The following CDH13 variants were observed in gnomAD, a reference collection of about 807,000 sequenced individuals.
The protein encoded by CDH13 is cadherin 13, also known as cadherin-13.
In CDH13, 24 loss-of-function variants were observed where a neutral mutation model predicts 63.8. The ratio of observed to expected loss-of-function variants is 0.38; its 90% CI spans 0.27 to 0.53. The LOEUF (loss-of-function observed/expected upper bound fraction) is 0.53. Ranked by LOEUF, CDH13 falls within the 20% of genes least tolerant of loss-of-function variation. CDH13 has a pLI of 0.85. For synonymous variants in CDH13, 503 were observed against 355.3 expected (o/e 1.42, Z -4.67); for missense variants, 1,049 against 903.1 (o/e 1.16, Z -2.07).
chr16:83,551,312 C>T (rs2075490187), intron 7 of CDH13, among the ~76,000 whole-genome samples: 1 of 152,196 alleles, frequency 6.6e-6, no homozygotes, highest in Non-Finnish European at 1.5e-5. Context: ...AGTGATCCAC[C>T]TGCCTCGGCC....
rs1274193446 is a variant in CDH13 at position 82,877,904 on chromosome 16, G to C, written c.157+19431G>C. On this transcript the variant is annotated intron_variant, in intron 2 of 13. Transcript: ENST00000567109. ...TGATTCTTGAGGAGAGAGGAAGGTG[G>C]AAATACATACATACACATAGACACA... Among the ~76,000 whole-genome samples the C allele has an allele frequency of 3.0e-5, 4 of 133,648 alleles. No homozygotes were observed. In the East Asian group the frequency reaches 8.4e-4, roughly 28 times the overall value. 87.7% of individuals were successfully genotyped at this position (133,648 alleles called of 152,430 possible). A position where few individuals can be genotyped will look rare whatever the true frequency, so the allele number is the denominator to read the frequency against.
intron 3 of CDH13, among the ~76,000 whole-genome samples, chr16:83,044,254 G>T (rs1049453634): frequency 6.6e-6 from 1 of 152,182 alleles, no homozygotes; most frequent in African/African-American, 2.4e-5. Flanking sequence ...AAGTTGAGCT[G>T]GGCCTTCTGA....
intron 1 of CDH13, among the ~76,000 whole-genome samples, chr16:82,686,030 G>C (rs932675490): frequency 6.6e-6 from 1 of 152,108 alleles, no homozygotes; most frequent in Non-Finnish European, 1.5e-5. Context: ...TATCCCTAGT[G>C]AATTACAATT....
At chr16:82,628,628 C>T (rs766906193) in intron 1 of CDH13, among the ~76,000 whole-genome samples, 3 of 152,180 alleles carry the variant, frequency 2.0e-5, no homozygotes, top group Non-Finnish European at 4.4e-5. Flanking sequence ...AGTTATAGCT[C>T]CTTTTCTACC....
chr16:83,364,926 A>C (rs574599339), intron 6 of CDH13, among the ~76,000 whole-genome samples: 84 of 152,234 alleles, frequency 5.5e-4, no homozygotes, highest in African/African-American at 1.8e-3. Context: ...GTAAGCGGCA[A>C]AAGGAGGGAG....
chr16:82,710,079 C>A (rs2031793341), intron 1 of CDH13, among the ~76,000 whole-genome samples: 2 of 149,728 alleles, frequency 1.3e-5, no homozygotes, highest in South Asian at 4.2e-4. Context: ...CACACATACA[C>A]ACAATACTTA....
intron 4 of CDH13, among the ~76,000 whole-genome samples, chr16:83,214,460 G>A (rs1359430971): frequency 1.3e-5 from 2 of 150,350 alleles, no homozygotes; most frequent in Non-Finnish European, 3.0e-5. Flanking sequence ...TGTGCCTGTA[G>A]TTCCACCTAC....
intron 4 of CDH13, among the ~76,000 whole-genome samples, chr16:83,198,318 C>T (rs907310554): frequency 4.2e-5 from 6 of 142,890 alleles, no homozygotes; most frequent in African/African-American, 1.7e-4. Context: ...AAATCACACA[C>T]ATGTACACAC....
intron 1 of CDH13, among the ~76,000 whole-genome samples, chr16:82,832,266 A>C (rs1424490342): frequency 6.6e-6 from 1 of 152,188 alleles, no homozygotes; most frequent in Non-Finnish European, 1.5e-5. Flanking sequence ...TAAATGGCAG[A>C]ATATTAACCA....
intron 1 of CDH13, among the ~76,000 whole-genome samples, chr16:82,671,264 GTTT>G (rs1303316286): frequency 1.3e-5 from 2 of 152,178 alleles, no homozygotes; most frequent in African/African-American, 4.8e-5. Context: ...ACCCAGAAGG[GTTT>G]TTTATTTTTT....
intron 8 of CDH13, among the ~76,000 whole-genome samples, chr16:83,628,561 C>T (rs1305922286): frequency 1.3e-5 from 2 of 152,206 alleles, no homozygotes; most frequent in Admixed American, 1.3e-4. Context: ...AAAAGCTGAC[C>T]TGAGACAATA....
At chr16:83,703,818 C>T (rs950408855) in intron 10 of CDH13, among the ~76,000 whole-genome samples, 1 of 152,184 alleles carries the variant, frequency 6.6e-6, no homozygotes, top group Non-Finnish European at 1.5e-5. Context: ...GACTCAAATG[C>T]TTGCCTAGAC....
At position 83,751,273 on chromosome 16, in the gene CDH13, C is replaced by T. The variant is rs72799184; in HGVS notation, c.1681+3023C>T. ...ATGGACTTTGGCCTTGAAAATGTCA[C>T]TCACTTGCCTCCAGAATAAACATTG... On this transcript the variant is annotated intron_variant, in intron 11 of 13. Transcript: ENST00000567109. 3.2e-4 allele frequency among the ~76,000 whole-genome samples: 49 copies of T among 152,286 alleles called. 1 individual carries two copies. Among genetic ancestry groups the T allele is most frequent in the Non-Finnish European group, 6.5e-4 (44 of 68,024 alleles).
At chr16:82,867,756 A>G (rs2040200739) in intron 2 of CDH13, among the ~76,000 whole-genome samples, 1 of 152,246 alleles carries the variant, frequency 6.6e-6, no homozygotes, top group Non-Finnish European at 1.5e-5. Context: ...ATACACTGTC[A>G]GTGAATTTAA....
intron 5 of CDH13, among the ~76,000 whole-genome samples, chr16:83,219,023 T>A (rs1252698377): frequency 6.6e-6 from 1 of 152,198 alleles, no homozygotes; most frequent in Non-Finnish European, 1.5e-5. Context: ...ATTAAATCTC[T>A]GTCCTTTGTA....
At chr16:83,764,522 C>T (rs1914229130) in intron 11 of CDH13, among the ~76,000 whole-genome samples, 1 of 152,124 alleles carries the variant, frequency 6.6e-6, no homozygotes, top group South Asian at 2.1e-4. Context: ...TTAGCTGGTC[C>T]CCCACTGGAG....
rs1190894531 is a variant in CDH13 at position 82,738,002 on chromosome 16, A to G, written c.45+110865A>G. Among the ~76,000 whole-genome samples the G allele has an allele frequency of 2.6e-5, 4 of 152,166 alleles. No individual in the cohort carries two copies. In the East Asian group the frequency reaches 7.7e-4, roughly 29 times the overall value. ...CACCCACCATGCAATCTACCCTCTT[A>G]ATAAAATGTTTAAGTGCACAATGCA... On this transcript the variant is annotated intron_variant, in intron 1 of 13. Transcript: ENST00000567109.
chr16:83,228,096 TCTC>T (rs1254937194), intron 5 of CDH13, among the ~76,000 whole-genome samples: 2 of 152,124 alleles, frequency 1.3e-5, no homozygotes, highest in African/African-American at 2.4e-5. Flanking sequence ...AGATGGAAAG[TCTC>T]CTGAGGGCAG....
At chr16:82,864,226 A>G (rs983844972) in intron 2 of CDH13, among the ~76,000 whole-genome samples, 3 of 152,126 alleles carry the variant, frequency 2.0e-5, no homozygotes, top group Non-Finnish European at 2.9e-5. Context: ...AGGCAGGGGT[A>G]TTTCTTAGGA....
Sources: gnomAD v4.1 joint callset for allele counts (sites outside exome capture counted in the v4.1 genomes callset) on GRCh38, gnomAD v4.1.1 for gene constraint, MANE v1.5 for transcripts, NCBI Gene and HGNC (gene_info 2026-07-23, HGNC 2026-07-21) for gene names.